The following NRDE2 variants were observed in gnomAD, a reference collection of about 807,000 sequenced individuals.
NRDE2 encodes nuclear exosome regulator NRDE2.
NRDE2 carries 76 observed loss-of-function variants against 124.2 expected under a neutral mutation model. The observed-to-expected ratio is 0.61, with a 90% confidence interval of 0.51 to 0.74. The LOEUF is 0.74. Among genes scored for constraint, NRDE2 ranks in the 30% least tolerant of loss-of-function variants. The pLI is 0.00. For synonymous variants in NRDE2, 489 were observed against 528.1 expected (o/e 0.93, Z 1.01); for missense variants, 1,314 against 1,417.3 (o/e 0.93, Z 1.17).
chr14:90,324,673 C>CAAAA (rs35515329), intron 1 of NRDE2, among the ~76,000 whole-genome samples: 8 of 65,984 alleles, frequency 1.2e-4, no homozygotes, highest in Admixed American at 1.0e-3. Flanking sequence ...GCTCCGTCTC[C>CAAAA]AAAAAAAAAA....
chr14:90,324,568 C>T (rs914731310), intron 1 of NRDE2, among the ~76,000 whole-genome samples: 1 of 149,618 alleles, frequency 6.7e-6, no homozygotes, highest in African/African-American at 2.5e-5. Flanking sequence ...CCCAGCTACT[C>T]GGGAGGCTGA....
At chr14:90,285,921 C>T (rs1345562658) in intron 12 of NRDE2, among the ~76,000 whole-genome samples, 1 of 152,174 alleles carries the variant, frequency 6.6e-6, no homozygotes, top group Non-Finnish European at 1.5e-5. Context: ...AGGCCTGAAC[C>T]ACGGCACCCA....
Position 90,273,075 on chromosome 14 carries a change from C to T in NRDE2, c.*5261G>A, listed in dbSNP as rs1348089735. The T allele has an allele frequency of 2.6e-5, 4 of 152,162 alleles. No homozygotes were observed. Among genetic ancestry groups the T allele is most frequent in the Non-Finnish European group, 5.9e-5 (4 of 68,052 alleles). 9.4% of individuals were successfully genotyped at this position (152,162 alleles called of 1,614,324 possible). A position where few individuals can be genotyped will look rare whatever the true frequency, so the allele number is the denominator to read the frequency against. ...CAGAAACATGTCAGAACTTCCCCTT[C>T]CCTTTCTCCGTCTATTTCCGTCATT... is the stretch of plus-strand genomic sequence containing the variant. On this transcript the variant is annotated 3_prime_UTR_variant, in exon 14 of 14. Transcript: ENST00000354366.
rs530774624 is a variant in NRDE2 at position 90,330,129 on chromosome 14, C to G, written c.64+1712G>C. 6.0e-5 allele frequency among the ~76,000 whole-genome samples: 9 copies of G among 150,528 alleles called. No individual in the cohort carries two copies. In the East Asian group the frequency reaches 1.8e-3, roughly 30 times the overall value. Reference sequence around the variant, plus strand: ...GGCTGAGGCAGGAGAATCACTTGAACCCAGGAGGCGAAGGCTGCAGTGAGC... The same window carrying G: ...GGCTGAGGCAGGAGAATCACTTGAAGCCAGGAGGCGAAGGCTGCAGTGAGC... On this transcript the variant is annotated intron_variant, in intron 1 of 13. Coordinates refer to ENST00000354366, the MANE Select transcript of NRDE2 (RefSeq NM_017970.4).
rs1891780929 is a variant in NRDE2 at position 90,275,344 on chromosome 14, G to C, written c.*2992C>G. On this transcript the variant is annotated 3_prime_UTR_variant, in exon 14 of 14. Coordinates refer to ENST00000354366, the MANE Select transcript of NRDE2 (RefSeq NM_017970.4). ...GGCGGGTAGCAGACTCTCAGCAACTGACTCACACGGTTCAGGAAACAAAAT... is the reference window on the plus strand; with the variant it reads ...GGCGGGTAGCAGACTCTCAGCAACTCACTCACACGGTTCAGGAAACAAAAT... 6.6e-6 allele frequency: 1 copy of C among 152,072 alleles called. No homozygotes were observed. Among genetic ancestry groups the C allele is most frequent in the African/African-American group, 2.4e-5 (1 of 41,396 alleles). 9.4% of individuals were successfully genotyped at this position (152,072 alleles called of 1,614,324 possible).
Position 90,288,757 on chromosome 14 carries a change from T to C in NRDE2, c.2618A>G (p.Lys873Arg). The C allele has an allele frequency of 6.2e-7, 1 of 1,614,070 alleles. No homozygotes were observed. The highest frequency in any genetic ancestry group is 1.1e-5 in the South Asian group (1 of 91,086). The change falls in exon 11 of 14, where the codon AAA (lysine) becomes AGA (arginine). Residue 873 changes from lysine to arginine, a missense_variant. By Grantham distance (26) the Lys-to-Arg change is conservative. Coordinates refer to ENST00000354366, the MANE Select transcript of NRDE2 (RefSeq NM_017970.4). Reference sequence around the variant, plus strand: ...TGCGTGCTCATAAGCCTTTCGCGCTTTCAAAATGTGAACAGCCAACACCTG... The same window carrying C: ...TGCGTGCTCATAAGCCTTTCGCGCTCTCAAAATGTGAACAGCCAACACCTG... Reference protein sequence around the residue: ...TGQVLAVHILKARKAYEHALQ... With the variant: ...TGQVLAVHILRARKAYEHALQ...
intron 3 of NRDE2, among the ~76,000 whole-genome samples, chr14:90,316,047 C>T (rs895369078): frequency 1.3e-5 from 2 of 151,132 alleles, no homozygotes; most frequent in African/African-American, 4.9e-5. Context: ...TAATCATGAG[C>T]TGTTTTCCAC....
At chr14:90,296,368 G>T (rs1484673129) in intron 8 of NRDE2, among the ~76,000 whole-genome samples, 1 of 152,190 alleles carries the variant, frequency 6.6e-6, no homozygotes, top group African/African-American at 2.4e-5. Flanking sequence ...TCAGCCTGAT[G>T]AATAGTTCTC....
intron 4 of NRDE2, among the ~76,000 whole-genome samples, chr14:90,311,279 C>T (rs1013008668): frequency 2.6e-5 from 4 of 152,172 alleles, no homozygotes; most frequent in East Asian, 1.9e-4. Flanking sequence ...ATGTTCCCCA[C>T]GGTTTCTCAC....
chr14:90,283,706 G>GTTTTTTTTTTTTTT (rs199636568), intron 12 of NRDE2, among the ~76,000 whole-genome samples: 1 of 147,156 alleles, frequency 6.8e-6, no homozygotes. Context: ...ACTTTTGCAG[G>GTTTTTTTTTTTTTT]TTTTTTGTTT....
chr14:90,292,625 C>G (rs1892300345), intron 9 of NRDE2, 72 bp downstream of exon 9: 2 of 1,527,664 alleles, frequency 1.3e-6, no homozygotes, highest in African/African-American at 2.8e-5. Flanking sequence ...TTCAGATAAC[C>G]AAAGCGCATG....
At chr14:90,326,892 C>A (rs776728323) in intron 1 of NRDE2, among the ~76,000 whole-genome samples, 6 of 152,070 alleles carry the variant, frequency 3.9e-5, no homozygotes, top group Non-Finnish European at 8.8e-5. Flanking sequence ...ATAAAAAAAT[C>A]TGAAACTGTT....
intron 10 of NRDE2, among the ~76,000 whole-genome samples, chr14:90,289,396 T>C (rs553954400): frequency 6.6e-6 from 1 of 152,296 alleles, no homozygotes; most frequent in Admixed American, 6.5e-5. Flanking sequence ...CTACAAATGT[T>C]CTTCTCCAAA....
chr14:90,268,532 C>T lies in NRDE2; in HGVS notation c.*9804G>A. The T allele has an allele frequency of 3.2e-6, 3 of 950,062 alleles. No homozygotes were observed. The South Asian group carries it at 4.7e-5, about 15-fold the overall frequency. 58.9% of individuals were successfully genotyped at this position (950,062 alleles called of 1,614,324 possible). On this transcript the variant is annotated 3_prime_UTR_variant, in exon 14 of 14. Transcript: ENST00000354366. Reference sequence around the variant, plus strand: ...GGCCACAGTTCTTGCTGTGCGTGGCCTTCCATGCATGCTTTAGGCTCTGCT... The same window carrying T: ...GGCCACAGTTCTTGCTGTGCGTGGCTTTCCATGCATGCTTTAGGCTCTGCT...
rs371192405 is a variant in NRDE2, at chr14:90,328,323, AG to A, written c.64+3517del. ...TGTCTCCAAAAAAAAAAAAAAAAAAAGAAAAAAGTATTTATCCTGTCTTTCC... is the reference window on the plus strand; with the variant it reads ...TGTCTCCAAAAAAAAAAAAAAAAAAAAAAAAAGTATTTATCCTGTCTTTCC... On this transcript the variant is annotated intron_variant, in intron 1 of 13. Coordinates refer to ENST00000354366, the MANE Select transcript of NRDE2 (RefSeq NM_017970.4). Among the ~76,000 whole-genome samples the A allele has an allele frequency of 2.2e-3, 324 of 148,828 alleles. 1 individual carries two copies. The highest frequency in any genetic ancestry group is 3.7e-3 in the Non-Finnish European group (246 of 67,026).
intron 3 of NRDE2, among the ~76,000 whole-genome samples, chr14:90,313,616 G>A (rs915417967): frequency 5.3e-5 from 8 of 152,162 alleles, no homozygotes; most frequent in South Asian, 2.1e-4. Flanking sequence ...TTAAGTGAGA[G>A]GGAGGGAAGG....
At chr14:90,312,600 C>G in intron 3 of NRDE2, 57 bp from the exon 4 acceptor site, 1 of 1,582,328 alleles carries the variant, frequency 6.3e-7, no homozygotes. Context: ...CTTCCAGTGA[C>G]GCAGGTGGCA....
chr14:90,295,802 C>T (rs1884122861), intron 8 of NRDE2, among the ~76,000 whole-genome samples: 1 of 152,188 alleles, frequency 6.6e-6, no homozygotes, highest in South Asian at 2.1e-4. Flanking sequence ...TTCAGCCTTT[C>T]TTTTGACCCT....
At chr14:90,297,553 T>C (rs1410334882) in intron 8 of NRDE2, among the ~76,000 whole-genome samples, 1 of 152,156 alleles carries the variant, frequency 6.6e-6, no homozygotes, top group African/African-American at 2.4e-5. Flanking sequence ...ATAATTACTT[T>C]ATAATAGTCC....
Sources: gnomAD v4.1 joint callset for allele counts (sites outside exome capture counted in the v4.1 genomes callset) on GRCh38, gnomAD v4.1.1 for gene constraint, MANE v1.5 for transcripts, NCBI Gene and HGNC (gene_info 2026-07-23, HGNC 2026-07-21) for gene names.